Variants in DAB1 observed in about 807,000 individuals in gnomAD.
The protein encoded by DAB1 is disabled homolog 1.
Under a neutral mutation model 64.6 loss-of-function variants are expected in DAB1, and 15 were observed. That is an observed-to-expected ratio of 0.23 (90% CI 0.16 to 0.36). The LOEUF (loss-of-function observed/expected upper bound fraction) is 0.36, where lower values mean the gene tolerates loss of function less well. DAB1 is among the 10% of genes least tolerant of loss of function. The pLI is 1.00. For synonymous variants in DAB1, 235 were observed against 251.9 expected (o/e 0.93, Z 0.64); for missense variants, 596 against 706.7 (o/e 0.84, Z 1.78).
intron 4 of DAB1, among the ~76,000 whole-genome samples, chr1:58,219,230 C>T (rs1659030059): frequency 6.6e-6 from 1 of 152,012 alleles, no homozygotes; most frequent in Admixed American, 6.6e-5. Flanking sequence ...CCACTGGAAG[C>T]TGTTGATGCA....
At chr1:58,438,376 T>G (rs527544480) in intron 3 of DAB1, among the ~76,000 whole-genome samples, 1 of 152,246 alleles carries the variant, frequency 6.6e-6, no homozygotes, top group East Asian at 1.9e-4. Context: ...AAATGGCATT[T>G]AGCTGTGATG....
At chr1:58,173,056 CA>C (rs1270855773) in intron 4 of DAB1, among the ~76,000 whole-genome samples, 2 of 152,200 alleles carry the variant, frequency 1.3e-5, no homozygotes, top group Non-Finnish European at 2.9e-5. Flanking sequence ...AGAAGGAAAC[CA>C]CTGGGCAGAT....
At chr1:58,015,122 C>A (rs1279047146) in intron 5 of DAB1, among the ~76,000 whole-genome samples, 1 of 152,192 alleles carries the variant, frequency 6.6e-6, no homozygotes, top group African/African-American at 2.4e-5. Flanking sequence ...GCTATGCCAT[C>A]CTGACCTATG....
chr1:57,832,090 C>T (rs1014294423), intron 1 of DAB1, among the ~76,000 whole-genome samples: 1 of 152,138 alleles, frequency 6.6e-6, no homozygotes, highest in Non-Finnish European at 1.5e-5. Context: ...ACAATTAAAT[C>T]ATATATCCAT....
chr1:57,060,809 G>A (rs1001811795), intron 9 of DAB1, among the ~76,000 whole-genome samples: 1 of 151,908 alleles, frequency 6.6e-6, no homozygotes, highest in African/African-American at 2.4e-5. Context: ...CCTTCAGGCA[G>A]CCCACCTGTG....
intron 1 of DAB1, among the ~76,000 whole-genome samples, chr1:57,875,615 G>A (rs192037479): frequency 6.6e-6 from 1 of 152,288 alleles, no homozygotes; most frequent in East Asian, 1.9e-4. Context: ...AGGGCAGATT[G>A]TGTCTTGCTG....
At chr1:57,642,599 C>T (rs1470425137) in intron 7 of DAB1, among the ~76,000 whole-genome samples, 1 of 152,172 alleles carries the variant, frequency 6.6e-6, no homozygotes, top group Non-Finnish European at 1.5e-5. Flanking sequence ...ATTTTCTCCC[C>T]AACGCTAAAA....
chr1:58,489,732 T>A (rs1244297043), intron 3 of DAB1, among the ~76,000 whole-genome samples: 1 of 152,150 alleles, frequency 6.6e-6, no homozygotes, highest in Non-Finnish European at 1.5e-5. Flanking sequence ...CGGGTACTCC[T>A]CTGAGACAAA....
rs538077737 is a variant in DAB1 at position 58,455,097 on chromosome 1, C to T, written n.257+50963G>A. 4.6e-5 allele frequency among the ~76,000 whole-genome samples: 7 copies of T among 152,362 alleles called. No individual in the cohort carries two copies. In the East Asian group the frequency reaches 1.2e-3, roughly 25 times the overall value. On this transcript the variant is annotated intron_variant and non_coding_transcript_variant, in intron 3 of 20. Coordinates refer to the DAB1 transcript ENST00000485760. ...TCTATATTTGAGTTCTTCCAGCAGC[C>T]GCTCTGAGTGAGAGCAAGTAGTTCA...
At chr1:57,029,617 G>T (rs1239391016) in intron 9 of DAB1, among the ~76,000 whole-genome samples, 3 of 152,200 alleles carry the variant, frequency 2.0e-5, no homozygotes, top group African/African-American at 7.2e-5. Context: ...GGGAAGGGCT[G>T]CCCAAGACCA....
chr1:58,454,769 C>G lies in DAB1; in HGVS notation n.257+51291G>C, dbSNP rs75048368. ...CCGCCTGTTCACAGACAAAACAATT[C>G]TCCACACTCAGTTTGTGACAGTAAA... On this transcript the variant is annotated intron_variant and non_coding_transcript_variant, in intron 3 of 20. Transcript: ENST00000485760. 3.5e-4 allele frequency among the ~76,000 whole-genome samples: 54 copies of G among 152,322 alleles called. 1 individual carries two copies. In the East Asian group the frequency reaches 9.5e-3, roughly 27 times the overall value.
Position 57,291,064 on chromosome 1 carries a change from C to T in DAB1, c.-34G>A, listed in dbSNP as rs1672741839. ...ATCCTTAGTCCACTTCACACAGATCCCGGGCCTCGGCCAGGCTCATTGAGG... is the reference window on the plus strand; with the variant it reads ...ATCCTTAGTCCACTTCACACAGATCTCGGGCCTCGGCCAGGCTCATTGAGG... On this transcript the variant is annotated 5_prime_UTR_variant, in exon 2 of 15. Transcript: ENST00000371236. The T allele has an allele frequency of 5.9e-6, 9 of 1,538,242 alleles. No individual in the cohort carries two copies. Among genetic ancestry groups the T allele is most frequent in the African/African-American group, 1.4e-5 (1 of 72,702 alleles).
chr1:57,217,424 T>G (rs139422210), intron 2 of DAB1, among the ~76,000 whole-genome samples: 1 of 152,254 alleles, frequency 6.6e-6, no homozygotes, highest in Non-Finnish European at 1.5e-5. Flanking sequence ...TATGTCCTTA[T>G]CGGTCCAAAA....
At chr1:58,130,408 T>A (rs1002079704) in intron 5 of DAB1, among the ~76,000 whole-genome samples, 27 of 151,764 alleles carry the variant, frequency 1.8e-4, no homozygotes, top group African/African-American at 6.1e-4. Flanking sequence ...TGACTCTTTA[T>A]CCAACTTGCC....
intron 4 of DAB1, among the ~76,000 whole-genome samples, chr1:58,252,149 G>A (rs924962288): frequency 6.6e-6 from 1 of 152,220 alleles, no homozygotes; most frequent in African/African-American, 2.4e-5. Context: ...TTAATTTCAT[G>A]TTCAACATTT....
At chr1:58,093,504 G>T (rs1404294982) in intron 5 of DAB1, among the ~76,000 whole-genome samples, 2 of 152,014 alleles carry the variant, frequency 1.3e-5, no homozygotes, top group Admixed American at 6.6e-5. Context: ...AACTGCGCAT[G>T]TGAGGGATCT....
At chr1:57,578,826 C>A (rs1280513090) in intron 7 of DAB1, among the ~76,000 whole-genome samples, 3 of 152,178 alleles carry the variant, frequency 2.0e-5, no homozygotes, top group African/African-American at 4.8e-5. Context: ...TTCCCTTGAG[C>A]CTAGGACTAA....
chr1:57,182,338 C>A (rs1215120039), intron 2 of DAB1, among the ~76,000 whole-genome samples: 1 of 152,178 alleles, frequency 6.6e-6, no homozygotes, highest in Non-Finnish European at 1.5e-5. Flanking sequence ...CATAATAAAT[C>A]TCTTGAACAT....
In DAB1 at chr1:57,541,569, T is replaced by C. The variant is rs78520949; in HGVS notation, n.625+108023A>G. ...TTTGTAGGGCCTGATAAAACACCCT[T>C]CTCCCCTCAACAATGCTTTTGTTTA... is the stretch of plus-strand genomic sequence containing the variant. On this transcript the variant is annotated intron_variant and non_coding_transcript_variant, in intron 7 of 20. Transcript: ENST00000485760. 3.5e-4 allele frequency among the ~76,000 whole-genome samples: 54 copies of C among 152,244 alleles called. No homozygotes were observed. The East Asian group carries it at 8.3e-3, about 23-fold the overall frequency.
Sources: allele counts gnomAD v4.1 joint callset (sites outside exome capture counted in the v4.1 genomes callset), GRCh38; gene constraint gnomAD v4.1.1; transcripts MANE v1.5; gene names NCBI Gene and HGNC (gene_info 2026-07-23, HGNC 2026-07-21).